C16orf95: variants seen among roughly 807,000 people sequenced by gnomAD.
The protein encoded by C16orf95 is uncharacterized protein C16orf95.
C16orf95 carries 41 observed loss-of-function variants against 32.1 expected under a neutral mutation model. The ratio of observed to expected loss-of-function variants is 1.28; its 90% CI spans 1.00 to 1.66. The LOEUF (loss-of-function observed/expected upper bound fraction) is 1.66. C16orf95 is among the 40% of genes most tolerant of loss of function. The probability of loss-of-function intolerance (pLI) is 0.00; values close to 1 mark genes in which losing one functional copy is unlikely to be tolerated. For missense variants in C16orf95, 399 were observed against 325.9 expected, an observed-to-expected ratio of 1.22 and a Z score of -1.73; for synonymous variants, 147 against 128.9, an observed-to-expected ratio of 1.14 and a Z score of -0.95.
intron 2 of C16orf95, 139 bp downstream of exon 2, chr16:87,315,633 G>A: frequency 4.6e-6 from 3 of 647,482 alleles, no homozygotes; most frequent in Non-Finnish European, 7.4e-6. Context: ...GAGGCCCAGG[G>A]ATAGCTCCTG....
At chr16:87,315,319 G>A (rs1229872279) in intron 2 of C16orf95, among the ~76,000 whole-genome samples, 1 of 152,216 alleles carries the variant, frequency 6.6e-6, no homozygotes, top group African/African-American at 2.4e-5. Context: ...CAGGTGCGCT[G>A]GGATTCTCAG....
chr16:87,308,242 G>C (rs972865748), intron 5 of C16orf95, among the ~76,000 whole-genome samples: 1 of 152,088 alleles, frequency 6.6e-6, no homozygotes, highest in African/African-American at 2.4e-5. Flanking sequence ...CAGCACTTTG[G>C]GAGGCCAAGG....
At chr16:87,303,300 G>T (rs538200628) in intron 6 of C16orf95, 26 of 545,858 alleles carry the variant, frequency 4.8e-5, no homozygotes, top group Non-Finnish European at 7.6e-5. Flanking sequence ...CATTCCACCT[G>T]AGTGCCCACT....
chr16:87,308,042 T>C (rs1418548059), intron 5 of C16orf95, among the ~76,000 whole-genome samples: 1 of 152,208 alleles, frequency 6.6e-6, no homozygotes, highest in East Asian at 1.9e-4. Context: ...TGCCTAATAA[T>C]TTCCCATCAA....
At chr16:87,309,737 T>G (rs1911196073) in intron 5 of C16orf95, among the ~76,000 whole-genome samples, 1 of 152,190 alleles carries the variant, frequency 6.6e-6, no homozygotes, top group African/African-American at 2.4e-5. Flanking sequence ...GAATACATAT[T>G]GTATTGTGAA....
At position 87,314,940 on chromosome 16, in the gene C16orf95, A is replaced by AG. The variant is rs1236454842; in HGVS notation, c.330+30dup. On this transcript the variant is annotated intron_variant, in intron 3 of 6. Coordinates refer to ENST00000567970, the MANE Select transcript of C16orf95 (RefSeq NM_001195124.3). ...TCAACTGACATTCACCCTGGACCCT[A>AG]GGGGAAGACCTCCTGGTTCAAGTCA... The AG allele has an allele frequency of 3.9e-6, 6 of 1,532,386 alleles. No homozygotes were observed. The African/African-American group carries it at 8.2e-5, about 21-fold the overall frequency. 94.9% of individuals were successfully genotyped at this position (1,532,386 alleles called of 1,614,324 possible).
intron 4 of C16orf95, 43 bp downstream of exon 4, chr16:87,311,107 C>T (rs765599208): frequency 4.2e-6 from 6 of 1,436,390 alleles, no homozygotes; most frequent in Middle Eastern, 2.0e-4. Flanking sequence ...CCGGCCCCCA[C>T]CTCACTCTTC....
At position 87,317,246 on chromosome 16, in the gene C16orf95, GCTT is replaced by G. The variant is rs763195846; in HGVS notation, c.-7_-5del. The G allele has an allele frequency of 7.9e-6, 12 of 1,516,496 alleles. No homozygotes were observed. In the East Asian group the frequency reaches 2.8e-4, roughly 35 times the overall value. The allele number at this position is 1,516,496 out of a possible 1,614,324, so 93.9% of individuals were successfully genotyped here. ...GTGGGGACCGGCTCGCACGCATATG[GCTT>G]CTTATGGCTGACGCGCCCTTTCACA... On this transcript the variant is annotated 5_prime_UTR_variant, in exon 1 of 7. Transcript: ENST00000567970.
rs1904310094 is a variant in C16orf95, at chr16:87,315,231, T to G, written c.205-135A>C. The stretch of plus-strand genomic sequence containing the variant: ...AGGGTCCCCAGCTCCTACTGCAGCT[T>G]GGAAAGAGGCAGGCTACCGTGGCTC... On this transcript the variant is annotated intron_variant, in intron 2 of 6. Transcript: ENST00000567970. The G allele has an allele frequency of 6.5e-6, 6 of 925,696 alleles. No homozygotes were observed. In the South Asian group the frequency reaches 1.1e-4, roughly 17 times the overall value. 57.3% of individuals were successfully genotyped at this position (925,696 alleles called of 1,614,324 possible).
intron 4 of C16orf95, 82 bp downstream of exon 4, chr16:87,311,068 T>C: frequency 7.7e-7 from 1 of 1,296,108 alleles, no homozygotes; most frequent in Non-Finnish European, 1.0e-6. Context: ...GTACCCCTCT[T>C]CCCCTTCTTC....
Position 87,316,649 on chromosome 16 carries a change from AG to A in C16orf95, c.152+441del, listed in dbSNP as rs200129104. On this transcript the variant is annotated intron_variant, in intron 1 of 6. Coordinates refer to ENST00000567970, the MANE Select transcript of C16orf95 (RefSeq NM_001195124.3). ...CAGCACTGCTATATTCCTGGTGGGG[AG>A]GGGGGGGGCCACAGCCATCTCAGTC... Among the ~76,000 whole-genome samples the A allele has an allele frequency of 3.6e-3, 522 of 146,116 alleles. 1 individual carries two copies. Among genetic ancestry groups the A allele is most frequent in the African/African-American group, 7.0e-3 (281 of 40,248 alleles).
At chr16:87,304,522 A>C (rs1407418587) in intron 6 of C16orf95, among the ~76,000 whole-genome samples, 1 of 152,264 alleles carries the variant, frequency 6.6e-6, no homozygotes, top group Admixed American at 6.5e-5. Context: ...ATCCACAAGA[A>C]AAACGACAAA....
In C16orf95 at chr16:87,305,192, C is replaced by T. The variant is rs1479071215; in HGVS notation, c.701+527G>A. On this transcript the variant is annotated intron_variant, in intron 6 of 6. Coordinates refer to ENST00000567970, the MANE Select transcript of C16orf95 (RefSeq NM_001195124.3). The surrounding 1 kb of genome is among the most constrained non-coding windows in gnomAD (Gnocchi z 4.2). ...GAGGTATCCCAGCAGAAAGCCATGGCTGTGGGCAGCAAGGGTGCCAGGGGC... is the reference window on the plus strand; with the variant it reads ...GAGGTATCCCAGCAGAAAGCCATGGTTGTGGGCAGCAAGGGTGCCAGGGGC... 6.6e-6 allele frequency among the ~76,000 whole-genome samples: 1 copy of T among 152,156 alleles called. No individual in the cohort carries two copies. The highest frequency in any genetic ancestry group is 2.4e-5 in the African/African-American group (1 of 41,448).
chr16:87,303,603 C>G (rs1910865440), intron 6 of C16orf95: 1 of 160,422 alleles, frequency 6.2e-6, no homozygotes, highest in Non-Finnish European at 1.4e-5. Context: ...TGCTCCGCTG[C>G]CCTGGGAGCT....
chr16:87,312,221 G>C (rs1477744650), intron 3 of C16orf95, among the ~76,000 whole-genome samples: 3 of 152,184 alleles, frequency 2.0e-5, no homozygotes, highest in East Asian at 3.9e-4. Flanking sequence ...ATGAGGAGGA[G>C]GTTACAGCAG....
intron 5 of C16orf95, among the ~76,000 whole-genome samples, chr16:87,306,705 G>A (rs1274122401): frequency 2.0e-5 from 3 of 152,190 alleles, no homozygotes; most frequent in Admixed American, 6.5e-5. Context: ...CTTGCGGCCA[G>A]AGGGAAGAAC....
chr16:87,302,994 T>A lies in C16orf95; in HGVS notation c.*63A>T. On this transcript the variant is annotated 3_prime_UTR_variant, in exon 7 of 7. Coordinates refer to ENST00000567970, the MANE Select transcript of C16orf95 (RefSeq NM_001195124.3). The stretch of plus-strand genomic sequence containing the variant: ...CAGACGCCTCCTGATTGGTGGACTC[T>A]CAAAGATCTTGATCGTGACACATTT... 1 of 1,513,760 alleles carries A rather than the reference T, an allele frequency of 6.6e-7. No homozygotes were observed. Among genetic ancestry groups the A allele is most frequent in the South Asian group, 1.2e-5 (1 of 83,636 alleles). 93.8% of individuals were successfully genotyped at this position (1,513,760 alleles called of 1,614,324 possible). A position where few individuals can be genotyped will look rare whatever the true frequency, so the allele number is the denominator to read the frequency against.
intron 3 of C16orf95, among the ~76,000 whole-genome samples, chr16:87,311,574 A>G (rs1240090863): frequency 6.6e-6 from 1 of 152,196 alleles, no homozygotes; most frequent in Non-Finnish European, 1.5e-5. Flanking sequence ...CTGGCGGAGC[A>G]CACAGGTTGG....
In C16orf95 at chr16:87,310,427, T is replaced by C. The variant is rs147556493; in HGVS notation, c.478-94A>G. 102 of 1,278,128 alleles carry C rather than the reference T, an allele frequency of 8.0e-5. 1 individual carries two copies. The East Asian group carries it at 2.5e-3, about 32-fold the overall frequency. The allele number at this position is 1,278,128 out of a possible 1,614,324, so 79.2% of individuals were successfully genotyped here. A position where few individuals can be genotyped will look rare whatever the true frequency, so the allele number is the denominator to read the frequency against. On this transcript the variant is annotated intron_variant, in intron 4 of 6. Transcript: ENST00000567970. Reference sequence around the variant, plus strand: ...GACTCCAAACCTCCAGGAGGGGCACTGGCCAGCTCAAGATAAAAGCCAAGG... The same window carrying C: ...GACTCCAAACCTCCAGGAGGGGCACCGGCCAGCTCAAGATAAAAGCCAAGG...
Sources: gnomAD v4.1 joint callset for allele counts (sites outside exome capture counted in the v4.1 genomes callset) on GRCh38, gnomAD v4.1.1 for gene constraint, Gnocchi (gnomAD v3.1) non-coding constraint, MANE v1.5 for transcripts, NCBI Gene and HGNC (gene_info 2026-07-23, HGNC 2026-07-21) for gene names.